AGMO: variants seen among roughly 807,000 people sequenced by gnomAD.
The protein encoded by AGMO is alkylglycerol monooxygenase.
Under a neutral mutation model 60.2 loss-of-function variants are expected in AGMO, and 75 were observed. The observed-to-expected ratio is 1.25, with a 90% CI of 1.03 to 1.51. The LOEUF (loss-of-function observed/expected upper bound fraction) is 1.51, where lower values mean the gene tolerates loss of function less well. Among genes scored for constraint, AGMO ranks in the 40% most tolerant of loss-of-function variants. The pLI is 0.00. For synonymous variants in AGMO, 261 were observed against 177.1 expected (o/e 1.47, Z -3.76); for missense variants, 763 against 525.5 (o/e 1.45, Z -4.42).
chr7:15,369,309 T>C (rs551007119), intron 10 of AGMO, among the ~76,000 whole-genome samples: 62 of 152,130 alleles, frequency 4.1e-4, no homozygotes, highest in African/African-American at 1.4e-3. Context: ...TTATGTGAGA[T>C]CATGTCACAC....
chr7:15,163,251 G>T, the AGMO span, among the ~76,000 whole-genome samples: 1 of 152,118 alleles, frequency 6.6e-6, no homozygotes, highest in African/African-American at 2.4e-5. Flanking sequence ...CTAGATTTAA[G>T]ATCATTTTGT....
rs1781271100 is a variant in AGMO, at chr7:15,201,228, G to A, written c.*57C>T. 2.6e-6 allele frequency: 3 copies of A among 1,133,654 alleles called. No individual in the cohort carries two copies. Among genetic ancestry groups the A allele is most frequent in the Non-Finnish European group, 3.8e-6 (3 of 786,656 alleles). The allele number at this position is 1,133,654 out of a possible 1,614,324, so 70.2% of individuals were successfully genotyped here. A position where few individuals can be genotyped will look rare whatever the true frequency, so the allele number is the denominator to read the frequency against. ...TAAAATAATTACATTTTAATATGCA[G>A]TCATAATATGCGTGTGGACAACTCA... On this transcript the variant is annotated 3_prime_UTR_variant, in exon 13 of 13. Transcript: ENST00000342526.
chr7:15,195,233 G>C, the AGMO span, among the ~76,000 whole-genome samples: 1 of 152,174 alleles, frequency 6.6e-6, no homozygotes, highest in African/African-American at 2.4e-5. Flanking sequence ...CTTGCCTCAT[G>C]CCAGGGAAAT....
At chr7:15,193,660 G>T in the AGMO span, among the ~76,000 whole-genome samples, 1 of 152,160 alleles carries the variant, frequency 6.6e-6, no homozygotes, top group East Asian at 1.9e-4. Context: ...AATAACTTCA[G>T]GAACAAAAGT....
chr7:15,133,406 T>A, the AGMO span, among the ~76,000 whole-genome samples: 1 of 152,084 alleles, frequency 6.6e-6, no homozygotes, highest in Admixed American at 6.6e-5. Flanking sequence ...TGAAATGGTT[T>A]CAGTTGAGTA....
chr7:15,551,232 G>A (rs1413165602), intron 2 of AGMO, among the ~76,000 whole-genome samples: 3 of 152,062 alleles, frequency 2.0e-5, no homozygotes, highest in Non-Finnish European at 4.4e-5. Flanking sequence ...GCAAAAACTG[G>A]AAGCATTCCC....
chr7:15,128,977 G>C, the AGMO span, among the ~76,000 whole-genome samples: 604 of 152,112 alleles, frequency 4.0e-3, 13 homozygotes, highest in Non-Finnish European at 9.1e-4. Flanking sequence ...AAAAGGAAAG[G>C]CTTCAGGTTT....
In AGMO at chr7:15,528,816, T is replaced by C. The variant is rs193251983; in HGVS notation, c.409+15956A>G. ...GGCATGCGCCACCACACCCGGCTAA[T>C]TTTGTATTTTTATTGGAGATGGAGT... On this transcript the variant is annotated intron_variant, in intron 3 of 12. Transcript: ENST00000342526. 2.5e-3 allele frequency among the ~76,000 whole-genome samples: 381 copies of C among 152,184 alleles called. 1 individual carries two copies. Among genetic ancestry groups the C allele is most frequent in the African/African-American group, 8.8e-3 (367 of 41,528 alleles).
At chr7:15,346,590 A>G (rs1339461565) in intron 12 of AGMO, among the ~76,000 whole-genome samples, 1 of 148,872 alleles carries the variant, frequency 6.7e-6, no homozygotes, top group Non-Finnish European at 1.5e-5. Flanking sequence ...CAAGCCTCCT[A>G]ATTTTTGTAT....
chr7:15,191,684 T>G, the AGMO span, among the ~76,000 whole-genome samples: 1 of 152,186 alleles, frequency 6.6e-6, no homozygotes, highest in Non-Finnish European at 1.5e-5. Context: ...CTCAATAAAT[T>G]AGCTTAAATT....
intron 11 of AGMO, 137 bp from the exon 12 acceptor site, chr7:15,365,756 C>G: frequency 1.5e-6 from 1 of 651,574 alleles, no homozygotes; most frequent in South Asian, 2.3e-5. Flanking sequence ...TCCCCTGAAG[C>G]AATTTGAAAA....
intron 12 of AGMO, among the ~76,000 whole-genome samples, chr7:15,354,924 T>C (rs1384850223): frequency 2.0e-5 from 3 of 152,106 alleles, no homozygotes; most frequent in Middle Eastern, 3.4e-3. Context: ...ATTTATAGCA[T>C]ATAAAAGGGA....
chr7:15,196,945 A>G (rs1373676875), downstream of AGMO, among the ~76,000 whole-genome samples: 1 of 152,108 alleles, frequency 6.6e-6, no homozygotes, highest in African/African-American at 2.4e-5. Context: ...AATTTTTTCT[A>G]ATTGTGTCTT....
intron 12 of AGMO, among the ~76,000 whole-genome samples, chr7:15,285,346 A>G (rs1178708130): frequency 6.6e-6 from 1 of 152,060 alleles, no homozygotes; most frequent in East Asian, 1.9e-4. Context: ...TTACTCCATA[A>G]GACTACTAGA....
chr7:15,344,647 G>C (rs373921354), intron 12 of AGMO, among the ~76,000 whole-genome samples: 1 of 152,134 alleles, frequency 6.6e-6, no homozygotes, highest in Non-Finnish European at 1.5e-5. Context: ...GCAGTGAGTC[G>C]TGATGGTACC....
the AGMO span, among the ~76,000 whole-genome samples, chr7:15,165,938 T>C: frequency 6.6e-6 from 1 of 152,132 alleles, no homozygotes; most frequent in Non-Finnish European, 1.5e-5. Flanking sequence ...CCTTAAGTGA[T>C]TTATAGGTAT....
Position 15,498,866 on chromosome 7 carries a change from G to A in AGMO, c.409+45906C>T, listed in dbSNP as rs376397844. Among the ~76,000 whole-genome samples the A allele has an allele frequency of 7.6e-4, 116 of 151,904 alleles. 1 individual carries two copies. The highest frequency in any genetic ancestry group is 2.6e-3 in the African/African-American group (107 of 41,498). On this transcript the variant is annotated intron_variant, in intron 3 of 12. Coordinates refer to ENST00000342526, the MANE Select transcript of AGMO (RefSeq NM_001004320.2). ...TTTCTCAGCAGTGCTTCTAGATTTC[G>A]AACTTTTTCAGAAGCATCTAAAATG... is the stretch of plus-strand genomic sequence containing the variant.
chr7:15,356,126 C>A (rs1045278166), intron 12 of AGMO, among the ~76,000 whole-genome samples: 3 of 152,186 alleles, frequency 2.0e-5, no homozygotes, highest in African/African-American at 4.8e-5. Context: ...TTTATAATCA[C>A]TTGGAAAACA....
At chr7:15,344,454 C>CT (rs1245156287) in intron 12 of AGMO, among the ~76,000 whole-genome samples, 1 of 152,158 alleles carries the variant, frequency 6.6e-6, no homozygotes, top group Admixed American at 6.5e-5. Flanking sequence ...AATGCCAGCA[C>CT]TTTGGGAGGC....
Sources: gnomAD v4.1 joint callset for allele counts (sites outside exome capture counted in the v4.1 genomes callset) on GRCh38, gnomAD v4.1.1 for gene constraint, MANE v1.5 for transcripts, NCBI Gene and HGNC (gene_info 2026-07-23, HGNC 2026-07-21) for gene names.